The following TANK variants were observed in gnomAD, a reference collection of about 807,000 sequenced individuals.
TANK encodes TRAF family member associated NFKB activator.
A neutral mutation model predicts 43.6 loss-of-function variants in TANK; 15 were observed. The observed-to-expected ratio is 0.34, with a 90% CI of 0.23 to 0.53. The LOEUF (loss-of-function observed/expected upper bound fraction) is 0.53. Among genes scored for constraint, TANK ranks in the 20% least tolerant of loss-of-function variants. The pLI, the probability that TANK is intolerant of heterozygous loss-of-function variation, is 0.94. For missense variants in TANK, 417 were observed against 498.6 expected (o/e 0.84, Z 1.56); for synonymous variants, 162 against 178.2 (o/e 0.91, Z 0.73).
intron 4 of TANK, among the ~76,000 whole-genome samples, chr2:161,208,947 A>T (rs1686764766): frequency 6.6e-6 from 1 of 152,224 alleles, no homozygotes; most frequent in Non-Finnish European, 1.5e-5. Flanking sequence ...GATATATTTT[A>T]AAAGCAACAC....
At chr2:161,168,725 G>A (rs1227240965) in intron 1 of TANK, among the ~76,000 whole-genome samples, 3 of 152,006 alleles carry the variant, frequency 2.0e-5, no homozygotes, top group Non-Finnish European at 4.4e-5. Context: ...CCCAGCTACT[G>A]GGGAGGCTGA....
At chr2:161,159,406 T>C (rs924689214), upstream of TANK, among the ~76,000 whole-genome samples, 2 of 152,192 alleles carry the variant, frequency 1.3e-5, no homozygotes, top group Non-Finnish European at 2.9e-5. Flanking sequence ...GTTTAAATAA[T>C]TTTTTTAAAG....
chr2:161,169,015 T>C (rs1684823835), intron 1 of TANK, among the ~76,000 whole-genome samples: 1 of 152,238 alleles, frequency 6.6e-6, no homozygotes, highest in African/African-American at 2.4e-5. Flanking sequence ...TCAAAAAATT[T>C]ACTTCCCAAA....
intron 7 of TANK, among the ~76,000 whole-genome samples, chr2:161,232,276 C>A (rs934185763): frequency 6.6e-6 from 1 of 152,026 alleles, no homozygotes; most frequent in Non-Finnish European, 1.5e-5. Flanking sequence ...TGTCTGAAAG[C>A]AAATGAAAAC....
intron 1 of TANK, among the ~76,000 whole-genome samples, chr2:161,147,231 C>T (rs950845432): frequency 6.6e-6 from 1 of 152,176 alleles, no homozygotes; most frequent in East Asian, 1.9e-4. Context: ...GTTCCCTTCC[C>T]CCACCCTGGG....
chr2:161,209,547 G>A (rs1574040521), intron 4 of TANK, among the ~76,000 whole-genome samples: 1 of 152,204 alleles, frequency 6.6e-6, no homozygotes, highest in East Asian at 1.9e-4. Flanking sequence ...TTTATAATTT[G>A]CTTCTGGGAA....
chr2:161,147,295 C>A (rs556284754), intron 1 of TANK, among the ~76,000 whole-genome samples: 13 of 152,336 alleles, frequency 8.5e-5, no homozygotes, highest in East Asian at 3.9e-4. Flanking sequence ...ATCTCTCCCC[C>A]CAAGGAGCTC....
At chr2:161,141,656 A>T (rs1379103594) in intron 1 of TANK, among the ~76,000 whole-genome samples, 6 of 152,196 alleles carry the variant, frequency 3.9e-5, no homozygotes, top group African/African-American at 1.4e-4. Context: ...TGCAAAGGAC[A>T]TGATCTCATT....
intron 2 of TANK, among the ~76,000 whole-genome samples, chr2:161,199,032 C>T (rs1283983046): frequency 2.6e-5 from 4 of 151,956 alleles, no homozygotes; most frequent in Non-Finnish European, 4.4e-5. Context: ...CTTAGCTTAC[C>T]AAAATTTCAA....
chr2:161,179,366 T>G, intron 1 of TANK: 1 of 384,902 alleles, frequency 2.6e-6, no homozygotes, highest in Non-Finnish European at 4.6e-6. Context: ...AGATTAGTAT[T>G]CTCAAAGTAG....
chr2:161,171,670 ATC>A (rs1684944938), intron 1 of TANK, among the ~76,000 whole-genome samples: 1 of 152,080 alleles, frequency 6.6e-6, no homozygotes, highest in Non-Finnish European at 1.5e-5. Context: ...AAGGTCCTCT[ATC>A]TCTTGAAATT....
intron 4 of TANK, chr2:161,212,362 A>C (rs1192029875): frequency 2.0e-6 from 2 of 984,276 alleles, no homozygotes; most frequent in Non-Finnish European, 2.4e-6. Context: ...TGCCTGGCTG[A>C]TACACAAACT....
intron 1 of TANK, among the ~76,000 whole-genome samples, chr2:161,144,832 G>A (rs574867850): frequency 6.6e-6 from 1 of 152,146 alleles, no homozygotes; most frequent in Non-Finnish European, 1.5e-5. Flanking sequence ...CCAGAGCTGA[G>A]TTCAAATCCT....
intron 2 of TANK, among the ~76,000 whole-genome samples, chr2:161,191,749 C>T (rs1180912619): frequency 6.6e-6 from 1 of 152,148 alleles, no homozygotes; most frequent in Non-Finnish European, 1.5e-5. Flanking sequence ...TACCTCATAT[C>T]ATGAATACCT....
At chr2:161,172,796 C>T (rs1685010593) in intron 1 of TANK, among the ~76,000 whole-genome samples, 1 of 152,158 alleles carries the variant, frequency 6.6e-6, no homozygotes, top group Non-Finnish European at 1.5e-5. Flanking sequence ...CTATTGTGCA[C>T]ATCCAGTCGG....
intron 1 of TANK, among the ~76,000 whole-genome samples, chr2:161,176,468 A>G (rs1239848295): frequency 6.6e-6 from 1 of 152,160 alleles, no homozygotes; most frequent in East Asian, 1.9e-4. Context: ...GAATTTACTC[A>G]GTAGCTCCTC....
At chr2:161,189,746 C>T (rs2105317862) in intron 2 of TANK, among the ~76,000 whole-genome samples, 1 of 152,236 alleles carries the variant, frequency 6.6e-6, no homozygotes, top group East Asian at 1.9e-4. Flanking sequence ...TATACATTAA[C>T]AACAAACCAT....
intron 1 of TANK, among the ~76,000 whole-genome samples, chr2:161,167,481 A>C (rs541752175): frequency 6.6e-6 from 1 of 152,214 alleles, no homozygotes; most frequent in Non-Finnish European, 1.5e-5. Flanking sequence ...TCTATTGTCA[A>C]CCTAAAGAAA....
At chr2:161,224,123 A>T (rs541261411) in intron 5 of TANK, 132 bp downstream of exon 5, 1 of 568,234 alleles carries the variant, frequency 1.8e-6, no homozygotes, top group Non-Finnish European at 3.1e-6. Flanking sequence ...GACCAACCCC[A>T]GAATCCTACA....
Sources: gnomAD v4.1 joint callset for allele counts (sites outside exome capture counted in the v4.1 genomes callset) on GRCh38, gnomAD v4.1.1 for gene constraint, MANE v1.5 for transcripts, NCBI Gene and HGNC (gene_info 2026-07-23, HGNC 2026-07-21) for gene names.